MYO1D: variants seen among roughly 807,000 people sequenced by gnomAD.
MYO1D encodes the protein unconventional myosin-Id.
MYO1D carries 83 observed loss-of-function variants against 122.0 expected under a neutral mutation model. The observed-to-expected ratio is 0.68, with a 90% CI of 0.57 to 0.82. The LOEUF is 0.82. Among genes scored for constraint, MYO1D ranks in the 40% least tolerant of loss-of-function variants. MYO1D has a pLI of 0.00. For synonymous variants in MYO1D, 464 were observed against 446.9 expected, an observed-to-expected ratio of 1.04 and a Z score of -0.48; for missense variants, 1,157 against 1,269.5, an observed-to-expected ratio of 0.91 and a Z score of 1.35.
chr17:32,817,741 T>G (rs1487885278), intron 1 of MYO1D, among the ~76,000 whole-genome samples: 1 of 152,192 alleles, frequency 6.6e-6, no homozygotes, highest in Admixed American at 6.5e-5. Context: ...GTGGTTTACG[T>G]GCATTATCAC....
chr17:32,800,000 T>C (rs559849452), intron 1 of MYO1D, among the ~76,000 whole-genome samples: 37 of 152,286 alleles, frequency 2.4e-4, no homozygotes, highest in Admixed American at 4.6e-4. Context: ...TATCACCTCA[T>C]ACCTGTTAGA....
In MYO1D at chr17:32,685,560, C is replaced by A. The variant is rs139860924; in HGVS notation, c.2122-26222G>T. Among the ~76,000 whole-genome samples the A allele has an allele frequency of 1.5e-4, 23 of 152,252 alleles. 1 individual carries two copies. In the East Asian group the frequency reaches 4.4e-3, roughly 29 times the overall value. On this transcript the variant is annotated intron_variant, in intron 16 of 21. Transcript: ENST00000318217. ...GTAGCCTAAAGGAGTCCTGGAGTTT[C>A]CATGTCTGTAGAGGTTTTTCCCCTA...
intron 1 of MYO1D, among the ~76,000 whole-genome samples, chr17:32,790,931 C>G (rs1482211696): frequency 6.6e-6 from 1 of 152,198 alleles, no homozygotes; most frequent in Non-Finnish European, 1.5e-5. Context: ...GATTCTATCA[C>G]TGGAACAGGG....
chr17:32,723,205 G>C (rs1232033347), intron 14 of MYO1D, among the ~76,000 whole-genome samples: 1 of 152,156 alleles, frequency 6.6e-6, no homozygotes, highest in Non-Finnish European at 1.5e-5. Flanking sequence ...CCTGAAGAGG[G>C]GGGTCATGGG....
rs539673474 is a variant in MYO1D, at chr17:32,673,304, G to A, written c.2122-13966C>T. 3.3e-5 allele frequency among the ~76,000 whole-genome samples: 5 copies of A among 151,084 alleles called. No individual in the cohort carries two copies. The South Asian group carries it at 6.3e-4, about 19-fold the overall frequency. On this transcript the variant is annotated intron_variant, in intron 16 of 21. Coordinates refer to ENST00000318217, the MANE Select transcript of MYO1D (RefSeq NM_015194.3). The stretch of plus-strand genomic sequence containing the variant: ...ATTTTAGTAGAAACGGGGTTTCACC[G>A]TGTTGCCCAGGCTGGTCCTGAACTC...
At position 32,817,475 on chromosome 17, in the gene MYO1D, A is replaced by T. The variant is rs577453436; in HGVS notation, c.96-36691T>A. On this transcript the variant is annotated intron_variant, in intron 1 of 21. Coordinates refer to ENST00000318217, the MANE Select transcript of MYO1D (RefSeq NM_015194.3). ...TTGAAGGTAATATTTTACACTCATA[A>T]AATGACTGCAGTTTAAAAACTGGTT... Among the ~76,000 whole-genome samples the T allele has an allele frequency of 2.0e-5, 3 of 152,318 alleles. No individual in the cohort carries two copies. In the East Asian group the frequency reaches 5.8e-4, roughly 29 times the overall value.
chr17:32,803,039 T>C (rs908674361), intron 1 of MYO1D, among the ~76,000 whole-genome samples: 3 of 152,156 alleles, frequency 2.0e-5, no homozygotes, highest in African/African-American at 7.2e-5. Context: ...AAACAGGGCA[T>C]GGTGAGGGCT....
intron 14 of MYO1D, among the ~76,000 whole-genome samples, chr17:32,736,509 G>A (rs576947939): frequency 6.6e-6 from 1 of 152,186 alleles, no homozygotes; most frequent in Non-Finnish European, 1.5e-5. Flanking sequence ...TAACTTTGGA[G>A]CTGCCATGCC....
intron 1 of MYO1D, among the ~76,000 whole-genome samples, chr17:32,786,408 T>A (rs993137431): frequency 7.2e-5 from 11 of 152,360 alleles, no homozygotes; most frequent in Admixed American, 5.9e-4. Flanking sequence ...GCTTTCTAGT[T>A]AGGCAATCTT....
rs765564548 is a variant in MYO1D, at chr17:32,654,533, C to A, written c.2434G>T (p.Gly812Cys). ...TGGAGCCCGAGGTCAGCCCTTTGAC[C>A]CTTCAACATTTCCACGGCTGCAACC... ...AKVAAVEMLK[G>C]QRADLGLQRA... Residue 812 changes from glycine to cysteine, a missense_variant, in exon 18 of 22, where the codon GGT (glycine) becomes TGT (cysteine). Transcript: ENST00000318217. 3.7e-6 allele frequency: 6 copies of A among 1,613,996 alleles called. No homozygotes were observed. Among genetic ancestry groups the A allele is most frequent in the Admixed American group, 1.7e-5 (1 of 60,002 alleles).
At chr17:32,630,395 C>T (rs1342348813) in intron 20 of MYO1D, among the ~76,000 whole-genome samples, 9 of 152,126 alleles carry the variant, frequency 5.9e-5, no homozygotes, top group African/African-American at 2.2e-4. Context: ...TGCACAACTG[C>T]ATAAATTACT....
intron 14 of MYO1D, among the ~76,000 whole-genome samples, chr17:32,733,410 T>C (rs1299657380): frequency 6.6e-6 from 1 of 152,216 alleles, no homozygotes; most frequent in Non-Finnish European, 1.5e-5. Context: ...CCAGATAGTA[T>C]GAGTTTGGGT....
intron 11 of MYO1D, among the ~76,000 whole-genome samples, chr17:32,752,250 T>C (rs1472411701): frequency 6.6e-6 from 1 of 152,218 alleles, no homozygotes; most frequent in Non-Finnish European, 1.5e-5. Flanking sequence ...ATTGGACCCC[T>C]GTCTCTCACC....
chr17:32,530,724 C>T (rs552997060), intron 21 of MYO1D, among the ~76,000 whole-genome samples: 2 of 152,214 alleles, frequency 1.3e-5, no homozygotes, highest in Admixed American at 6.5e-5. Context: ...TCTTTTGAGC[C>T]TAGGAGTTTG....
chr17:32,852,396 GGATTACAGGCATGACCACTGT>G, intron 1 of MYO1D, among the ~76,000 whole-genome samples: 1 of 152,066 alleles, frequency 6.6e-6, no homozygotes, highest in South Asian at 2.1e-4. Context: ...CAAAGTGCTG[GGATTACAGGCATGACCACTGT>G]GCCTGGCCAA....
intron 3 of MYO1D, among the ~76,000 whole-genome samples, chr17:32,777,728 G>C (rs980288276): frequency 3.3e-5 from 5 of 151,686 alleles, no homozygotes; most frequent in African/African-American, 1.2e-4. Context: ...GACGGGTCAC[G>C]AGGTCAGGAG....
intron 20 of MYO1D, among the ~76,000 whole-genome samples, chr17:32,637,850 G>A (rs2088127342): frequency 1.3e-5 from 2 of 152,056 alleles, no homozygotes; most frequent in African/African-American, 2.4e-5. Flanking sequence ...GCAAAGCCAG[G>A]AATAGTTTGT....
intron 21 of MYO1D, among the ~76,000 whole-genome samples, chr17:32,543,651 C>T (rs1473191477): frequency 1.3e-5 from 2 of 152,150 alleles, no homozygotes; most frequent in Non-Finnish European, 2.9e-5. Context: ...GGCTGCCATG[C>T]TGTACTACTC....
At chr17:32,552,801 G>A (rs191781115) in intron 21 of MYO1D, among the ~76,000 whole-genome samples, 1 of 152,162 alleles carries the variant, frequency 6.6e-6, no homozygotes, top group Non-Finnish European at 1.5e-5. Context: ...ACCACAGAAC[G>A]AAGATGGAGA....
Sources: gnomAD v4.1 joint callset for allele counts (sites outside exome capture counted in the v4.1 genomes callset) on GRCh38, gnomAD v4.1.1 for gene constraint, MANE v1.5 for transcripts, NCBI Gene and HGNC (gene_info 2026-07-23, HGNC 2026-07-21) for gene names.